Variants in TLE1 observed in about 807,000 individuals in gnomAD.
The protein encoded by TLE1 is transducin-like enhancer protein 1.
TLE1 carries 21 observed loss-of-function variants against 89.8 expected under a neutral mutation model. The ratio of observed to expected loss-of-function variants is 0.23; its 90% CI spans 0.17 to 0.34. The LOEUF is 0.34. Among genes scored for constraint, TLE1 ranks in the 10% least tolerant of loss-of-function variants. The pLI is 1.00. For synonymous variants in TLE1, 447 were observed against 407.6 expected (o/e 1.10, Z -1.16); for missense variants, 795 against 1,031.2 (o/e 0.77, Z 3.14).
At chr9:81,618,371 C>T (rs1343164102) in intron 9 of TLE1, among the ~76,000 whole-genome samples, 1 of 152,182 alleles carries the variant, frequency 6.6e-6, no homozygotes, top group Non-Finnish European at 1.5e-5. Context: ...AAAGTTTACC[C>T]TCAACTCTAA....
At chr9:81,653,000 CCTCCCAA>C (rs1303565166) in intron 5 of TLE1, among the ~76,000 whole-genome samples, 1 of 152,168 alleles carries the variant, frequency 6.6e-6, no homozygotes, top group Non-Finnish European at 1.5e-5. Context: ...TCACCCCACA[CCTCCCAA>C]CTCCCAACTC....
chr9:81,683,272 T>G (rs924931739), intron 4 of TLE1, among the ~76,000 whole-genome samples: 3 of 152,112 alleles, frequency 2.0e-5, no homozygotes, highest in Non-Finnish European at 2.9e-5. Flanking sequence ...TGACAATTTT[T>G]TGTGTCCCCT....
intron 4 of TLE1, among the ~76,000 whole-genome samples, chr9:81,670,697 G>T (rs1325672924): frequency 5.0e-5 from 7 of 141,218 alleles, no homozygotes; most frequent in African/African-American, 1.9e-4. Flanking sequence ...CACTTTGAGA[G>T]TTCCAGAAGC....
intron 4 of TLE1, among the ~76,000 whole-genome samples, chr9:81,676,143 T>C (rs1832881937): frequency 6.6e-6 from 1 of 152,198 alleles, no homozygotes; most frequent in South Asian, 2.1e-4. Context: ...AAACTTTTCT[T>C]GCAAAGTAGC....
Position 81,634,290 on chromosome 9 carries a change from C to G in TLE1, c.384G>C (p.Leu128Phe). 6.5e-7 allele frequency: 1 copy of G among 1,529,650 alleles called. No homozygotes were observed. Among genetic ancestry groups the G allele is most frequent in the Non-Finnish European group, 8.9e-7 (1 of 1,128,722 alleles). The allele number at this position is 1,529,650 out of a possible 1,614,324, so 94.8% of individuals were successfully genotyped here. Reference protein sequence around the residue: ...ELNAIIGQQQLQAQHLSHGHG... With the variant: ...ELNAIIGQQQFQAQHLSHGHG... Reference sequence around the variant, plus strand: ...GGCCATGAGAAAGATGCTGAGCTTGCAACTGCTGCTGCTGTTGGTGGTGGT... The same window carrying G: ...GGCCATGAGAAAGATGCTGAGCTTGGAACTGCTGCTGCTGTTGGTGGTGGT... Residue 128 changes from leucine (L) to phenylalanine (F), a missense_variant, in exon 7 of 20, where the codon TTG (leucine) becomes TTC (phenylalanine). Physicochemically the swap from Leu to Phe is conservative, Grantham distance 22. Transcript: ENST00000376499.
intron 14 of TLE1, among the ~76,000 whole-genome samples, chr9:81,602,490 T>G (rs1029347030): frequency 1.3e-5 from 2 of 152,158 alleles, no homozygotes; most frequent in Non-Finnish European, 2.9e-5. Flanking sequence ...AGCCTGAAGG[T>G]GATTTTAGTT....
chr9:81,615,746 A>G (rs188311960), intron 11 of TLE1, among the ~76,000 whole-genome samples: 328 of 151,696 alleles, frequency 2.2e-3, no homozygotes, highest in Non-Finnish European at 3.8e-3. Flanking sequence ...GAAGAAGAAG[A>G]AGGCAATGAA....
chr9:81,653,948 T>C, intron 5 of TLE1, 26 bp downstream of exon 5: 1 of 1,611,106 alleles, frequency 6.2e-7, no homozygotes, highest in East Asian at 2.2e-5. Flanking sequence ...ATAATTGCAC[T>C]TTAACAGCTG....
chr9:81,683,601 T>C (rs767483304), intron 4 of TLE1, among the ~76,000 whole-genome samples: 3 of 152,186 alleles, frequency 2.0e-5, no homozygotes, highest in Non-Finnish European at 2.9e-5. Flanking sequence ...GTTTTTCAAA[T>C]GTAAGTCCAC....
chr9:81,608,458 G>A (rs1823261678), intron 14 of TLE1, among the ~76,000 whole-genome samples: 1 of 152,116 alleles, frequency 6.6e-6, no homozygotes, highest in Non-Finnish European at 1.5e-5. Flanking sequence ...AGGCTGCAGT[G>A]AGCTGTGATT....
At position 81,654,167 on chromosome 9, in the gene TLE1, G is replaced by A. The variant is rs1829878443; in HGVS notation, c.235-131C>T. On this transcript the variant is annotated intron_variant, in intron 4 of 19. Transcript: ENST00000376499. ...AATGTGTATAAAATGGTTTCCCCAGGTTATGTTACTAATACTTATCTTGAA... is the reference window on the plus strand; with the variant it reads ...AATGTGTATAAAATGGTTTCCCCAGATTATGTTACTAATACTTATCTTGAA... The A allele has an allele frequency of 9.5e-6, 7 of 740,196 alleles. No homozygotes were observed. In the Admixed American group the frequency reaches 1.6e-4, roughly 17 times the overall value. 45.9% of individuals were successfully genotyped at this position (740,196 alleles called of 1,614,324 possible). A position where few individuals can be genotyped will look rare whatever the true frequency, so the allele number is the denominator to read the frequency against.
At chr9:81,655,804 G>A (rs1241064947) in intron 4 of TLE1, among the ~76,000 whole-genome samples, 1 of 147,666 alleles carries the variant, frequency 6.8e-6, no homozygotes, top group Non-Finnish European at 1.5e-5. Flanking sequence ...GGTGAGCTGA[G>A]ATCGCGCCAC....
At chr9:81,645,028 A>C (rs1045217922) in intron 6 of TLE1, among the ~76,000 whole-genome samples, 9 of 145,588 alleles carry the variant, frequency 6.2e-5, no homozygotes, top group African/African-American at 2.3e-4. Flanking sequence ...AAAAAAGGTG[A>C]ATTTCATGGT....
chr9:81,597,634 C>G (rs990101245), intron 14 of TLE1, among the ~76,000 whole-genome samples: 2 of 152,168 alleles, frequency 1.3e-5, no homozygotes, highest in African/African-American at 4.8e-5. Context: ...CAGCCCCCAC[C>G]TAGCTTTCTG....
intron 4 of TLE1, among the ~76,000 whole-genome samples, chr9:81,662,267 G>A (rs879317632): frequency 2.0e-5 from 3 of 151,982 alleles, no homozygotes; most frequent in Non-Finnish European, 4.4e-5. Flanking sequence ...ATGGCAAGTA[G>A]CCATTAAAGT....
intron 5 of TLE1, among the ~76,000 whole-genome samples, chr9:81,653,439 TAA>T (rs1829794600): frequency 6.6e-6 from 1 of 152,240 alleles, no homozygotes; most frequent in African/African-American, 2.4e-5. Context: ...CAAAGAATGT[TAA>T]GATTAAACCT....
At chr9:81,613,669 C>T (rs767523340) in intron 11 of TLE1, 148 bp from the exon 12 acceptor site, 7 of 903,774 alleles carry the variant, frequency 7.7e-6, no homozygotes, top group Non-Finnish European at 1.2e-5. Context: ...ACAGCATTAA[C>T]TTGTGAGCGA....
At chr9:81,649,179 T>C (rs1829236604) in intron 6 of TLE1, among the ~76,000 whole-genome samples, 1 of 152,196 alleles carries the variant, frequency 6.6e-6, no homozygotes, top group Non-Finnish European at 1.5e-5. Flanking sequence ...CTTATTTTTC[T>C]TAAATACCGG....
intron 10 of TLE1, 108 bp downstream of exon 10, chr9:81,616,538 A>ATG: frequency 8.8e-7 from 1 of 1,131,500 alleles, no homozygotes; most frequent in Non-Finnish European, 1.3e-6. Context: ...AGAAGTTGCA[A>ATG]GAGGTCCCCC....
Sources: allele counts gnomAD v4.1 joint callset (sites outside exome capture counted in the v4.1 genomes callset), GRCh38; gene constraint gnomAD v4.1.1; transcripts MANE v1.5; gene names NCBI Gene and HGNC (gene_info 2026-07-23, HGNC 2026-07-21).